The following CTNNA3 variants were observed in gnomAD, a reference collection of about 807,000 sequenced individuals.
The protein encoded by CTNNA3 is catenin alpha-3.
Under a neutral mutation model 95.7 loss-of-function variants are expected in CTNNA3, and 76 were observed. The ratio of observed to expected loss-of-function variants is 0.79; its 90% confidence interval spans 0.66 to 0.96. CTNNA3 has a LOEUF of 0.96. Among genes scored for constraint, CTNNA3 ranks in the 40% least tolerant of loss-of-function variants. The pLI is 0.00. For missense variants in CTNNA3, 1,191 were observed against 1,089.8 expected, an observed-to-expected ratio of 1.09 and a Z score of -1.31; for synonymous variants, 431 against 374.4, an observed-to-expected ratio of 1.15 and a Z score of -1.74.
chr10:67,557,499 T>A (rs1331820499), intron 3 of CTNNA3, among the ~76,000 whole-genome samples: 1 of 152,012 alleles, frequency 6.6e-6, no homozygotes, highest in East Asian at 1.9e-4. Context: ...ACATATTGGT[T>A]GTGTGGGTGT....
At chr10:67,459,777 C>T (rs1461561731) in intron 5 of CTNNA3, among the ~76,000 whole-genome samples, 2 of 152,082 alleles carry the variant, frequency 1.3e-5, no homozygotes, top group Non-Finnish European at 2.9e-5. Flanking sequence ...AGATTAAATG[C>T]CTTAGCTTTG....
chr10:67,398,372 T>C (rs1039034564), intron 5 of CTNNA3, among the ~76,000 whole-genome samples: 2 of 152,368 alleles, frequency 1.3e-5, no homozygotes, highest in Admixed American at 6.5e-5. Context: ...ATGGGGCCTG[T>C]AGCCCCTTTG....
At chr10:66,044,547 G>A (rs955033709) in intron 15 of CTNNA3, among the ~76,000 whole-genome samples, 6 of 151,584 alleles carry the variant, frequency 4.0e-5, no homozygotes, top group Non-Finnish European at 7.4e-5. Context: ...ATATTATCCC[G>A]CCATGAATTA....
chr10:67,600,843 G>T (rs1481729088), intron 3 of CTNNA3, among the ~76,000 whole-genome samples: 1 of 152,086 alleles, frequency 6.6e-6, no homozygotes, highest in Non-Finnish European at 1.5e-5. Flanking sequence ...ATAAATTATG[G>T]TTTATTATCA....
At chr10:66,491,169 A>T (rs1446021827) in intron 11 of CTNNA3, among the ~76,000 whole-genome samples, 1 of 152,142 alleles carries the variant, frequency 6.6e-6, no homozygotes, top group African/African-American at 2.4e-5. Context: ...ATAGATATTT[A>T]TGTTGCTCTC....
chr10:66,437,821 C>T (rs1249335562), intron 11 of CTNNA3, among the ~76,000 whole-genome samples: 1 of 152,130 alleles, frequency 6.6e-6, no homozygotes, highest in Non-Finnish European at 1.5e-5. Flanking sequence ...GCTTTTTCCT[C>T]ATCTTTGTGG....
At chr10:67,288,691 T>C (rs148420796) in intron 5 of CTNNA3, among the ~76,000 whole-genome samples, 132 of 152,306 alleles carry the variant, frequency 8.7e-4, no homozygotes, top group Non-Finnish European at 9.7e-4. Context: ...CTGAGTCACA[T>C]TGTACTCTGG....
rs1359213318 is a variant in CTNNA3 at position 66,578,191 on chromosome 10, C to T, written c.1374+43501G>A. 2.6e-5 allele frequency among the ~76,000 whole-genome samples: 4 copies of T among 152,002 alleles called. No individual in the cohort carries two copies. The East Asian group carries it at 7.7e-4, about 29-fold the overall frequency. On this transcript the variant is annotated intron_variant, in intron 10 of 17. Coordinates refer to ENST00000433211, the MANE Select transcript of CTNNA3 (RefSeq NM_013266.4). ...ATAGATTTTATACTCTGAAACTTTACTAAGGTCATTTATCAGTTCTAGAAG... is the reference window on the plus strand; with the variant it reads ...ATAGATTTTATACTCTGAAACTTTATTAAGGTCATTTATCAGTTCTAGAAG...
At chr10:66,282,813 T>C (rs1407498424) in intron 12 of CTNNA3, among the ~76,000 whole-genome samples, 3 of 151,912 alleles carry the variant, frequency 2.0e-5, no homozygotes, top group Non-Finnish European at 2.9e-5. Context: ...TTTCAATTGT[T>C]CCTTGAAGCT....
intron 5 of CTNNA3, among the ~76,000 whole-genome samples, chr10:67,456,442 G>A (rs1847174194): frequency 6.6e-6 from 1 of 151,996 alleles, no homozygotes; most frequent in Non-Finnish European, 1.5e-5. Flanking sequence ...GGATGTCTTG[G>A]GTTTCCAAGA....
Position 66,021,005 on chromosome 10 carries a change from G to A in CTNNA3, c.2160-32208C>T, listed in dbSNP as rs114472533. Among the ~76,000 whole-genome samples the A allele has an allele frequency of 4.9e-3, 746 of 152,170 alleles. 5 individuals carry two copies. The highest frequency in any genetic ancestry group is 0.017 in the African/African-American group (723 of 41,532). On this transcript the variant is annotated intron_variant, in intron 15 of 17. Coordinates refer to ENST00000433211, the MANE Select transcript of CTNNA3 (RefSeq NM_013266.4). ...TGAATTTTATTCATGGTTGATCACT[G>A]ACTCTTTCTTGATCACTGACTCTTT...
intron 11 of CTNNA3, among the ~76,000 whole-genome samples, chr10:66,437,402 T>C (rs2093345677): frequency 6.6e-6 from 1 of 152,176 alleles, no homozygotes; most frequent in African/African-American, 2.4e-5. Context: ...TTCTTTTTTC[T>C]CTAATCTTGT....
intron 13 of CTNNA3, among the ~76,000 whole-genome samples, chr10:66,264,781 C>G (rs2091105015): frequency 6.6e-6 from 1 of 151,928 alleles, no homozygotes; most frequent in South Asian, 2.1e-4. Context: ...CACATCTATT[C>G]TTGCCCATCC....
chr10:67,048,238 T>C (rs1794292809), intron 7 of CTNNA3, among the ~76,000 whole-genome samples: 2 of 152,088 alleles, frequency 1.3e-5, no homozygotes, highest in African/African-American at 2.4e-5. Context: ...AAATCATTTA[T>C]ATAAACGAGG....
intron 7 of CTNNA3, among the ~76,000 whole-genome samples, chr10:66,911,841 T>C (rs1377374409): frequency 1.3e-5 from 2 of 152,176 alleles, no homozygotes; most frequent in Non-Finnish European, 2.9e-5. Flanking sequence ...TCAAGTCGTT[T>C]AGAACTACCC....
At chr10:66,377,479 A>T (rs1280955275) in intron 12 of CTNNA3, among the ~76,000 whole-genome samples, 4 of 152,028 alleles carry the variant, frequency 2.6e-5, no homozygotes, top group Admixed American at 1.3e-4. Flanking sequence ...TTATTTTCTG[A>T]TCTCAGAGTG....
In CTNNA3 at chr10:66,949,135, T is replaced by C. The variant is rs73331648; in HGVS notation, c.1048-173611A>G. 7.5e-3 allele frequency among the ~76,000 whole-genome samples: 1,143 copies of C among 152,310 alleles called. 16 individuals carry two copies. Among genetic ancestry groups the C allele is most frequent in the African/African-American group, 0.026 (1,090 of 41,574 alleles). ...AGTATTCAATGGAGCCATTCAGCAA[T>C]ATGAAAGAATGCAGGCAAATTTCTA... is the stretch of plus-strand genomic sequence containing the variant. On this transcript the variant is annotated intron_variant, in intron 7 of 17. Transcript: ENST00000433211.
intron 7 of CTNNA3, among the ~76,000 whole-genome samples, chr10:66,905,578 G>A (rs1389109136): frequency 6.6e-6 from 1 of 152,046 alleles, no homozygotes; most frequent in Non-Finnish European, 1.5e-5. Context: ...GTTAATTGCA[G>A]CAATATTCGT....
chr10:67,139,931 C>T (rs1459254907), intron 7 of CTNNA3, among the ~76,000 whole-genome samples: 2 of 152,136 alleles, frequency 1.3e-5, no homozygotes, highest in Non-Finnish European at 2.9e-5. Flanking sequence ...ATTAATGTTT[C>T]CTAATGAACA....
Sources: allele counts gnomAD v4.1 joint callset (sites outside exome capture counted in the v4.1 genomes callset), GRCh38; gene constraint gnomAD v4.1.1; transcripts MANE v1.5; gene names NCBI Gene and HGNC (gene_info 2026-07-23, HGNC 2026-07-21).